Variants in SMIM19 observed in about 807,000 individuals in gnomAD.
SMIM19 encodes UPF0697 protein C8orf40.
Under a neutral mutation model 13.2 loss-of-function variants are expected in SMIM19, and 6 were observed. The observed-to-expected ratio is 0.45, with a 90% confidence interval of 0.25 to 0.90. SMIM19 has a LOEUF of 0.90. Among genes scored for constraint, SMIM19 ranks in the 40% least tolerant of loss-of-function variants. SMIM19 has a pLI of 0.19. For synonymous variants in SMIM19, 46 were observed against 43.1 expected (o/e 1.07, Z -0.27); for missense variants, 138 against 131.0 (o/e 1.05, Z -0.26).
chr8:42,551,377 G>C (rs146668706), intron 3 of SMIM19, among the ~76,000 whole-genome samples: 1 of 151,030 alleles, frequency 6.6e-6, no homozygotes, highest in Non-Finnish European at 1.5e-5. Context: ...ATGACACAAA[G>C]ATTTTTAGCC....
Position 42,542,350 on chromosome 8 carries a change from T to G in SMIM19, c.-28T>G. ...AGCACCTGTGAATTGCTTTCCTGGA[T>G]GTTGGGTGAAGGCCTGTGAGCTTGT... On this transcript the variant is annotated 5_prime_UTR_variant, in exon 1 of 4. It removes an upstream start codon present in the reference 5' UTR. Coordinates refer to ENST00000417410, the MANE Select transcript of SMIM19 (RefSeq NM_001135674.2). 1.4e-6 allele frequency: 1 copy of G among 740,204 alleles called. No individual in the cohort carries two copies. Among genetic ancestry groups the G allele is most frequent in the Non-Finnish European group, 1.7e-6 (1 of 606,054 alleles). 45.9% of individuals were successfully genotyped at this position (740,204 alleles called of 1,614,324 possible).
rs986724862 is a variant in SMIM19, at chr8:42,542,325, A to G, written c.-53A>G. On this transcript the variant is annotated 5_prime_UTR_variant, in exon 1 of 4. Transcript: ENST00000417410. ...AATTCAGTGACTCTGTGGACTGCCC[A>G]GCACCTGTGAATTGCTTTCCTGGAT... 1.1e-5 allele frequency: 5 copies of G among 454,290 alleles called. No individual in the cohort carries two copies. The Admixed American group carries it at 2.6e-4, about 23-fold the overall frequency. 28.1% of individuals were successfully genotyped at this position (454,290 alleles called of 1,614,324 possible).
chr8:42,545,133 A>C (rs749530718), intron 1 of SMIM19, among the ~76,000 whole-genome samples: 4 of 152,206 alleles, frequency 2.6e-5, no homozygotes, highest in Non-Finnish European at 5.9e-5. Context: ...TTTTCTTTAC[A>C]TATTAGGTCA....
intron 1 of SMIM19, among the ~76,000 whole-genome samples, chr8:42,544,818 A>G (rs977627894): frequency 1.3e-5 from 2 of 152,220 alleles, no homozygotes; most frequent in African/African-American, 4.8e-5. Context: ...CATTTTTCTC[A>G]TATAGAGGCA....
chr8:42,555,001 C>T lies in SMIM19; in HGVS notation c.*2393C>T, dbSNP rs1218928637. 1.6e-4 allele frequency: 24 copies of T among 152,148 alleles called. No individual in the cohort carries two copies. The highest frequency in any genetic ancestry group is 1.5e-3 in the Admixed American group (23 of 15,262). 9.4% of individuals were successfully genotyped at this position (152,148 alleles called of 1,614,324 possible). A position where few individuals can be genotyped will look rare whatever the true frequency, so the allele number is the denominator to read the frequency against. The stretch of plus-strand genomic sequence containing the variant: ...ACACAGATGTTTGCTGTTGACCTCA[C>T]GCTGTGTCTGGTTGAGTTATTCATG... On this transcript the variant is annotated 3_prime_UTR_variant, in exon 4 of 4. Transcript: ENST00000417410.
At position 42,548,810 on chromosome 8, in the gene SMIM19, A is replaced by T. The variant is rs1813572650; in HGVS notation, c.259+30A>T. On this transcript the variant is annotated intron_variant, in intron 3 of 3. Transcript: ENST00000417410. ...GTATATTCTGTGCTGAAAGATACAC[A>T]TATGCACATTTAAAATAGATTTTCT... The T allele has an allele frequency of 2.5e-6, 4 of 1,573,424 alleles. No individual in the cohort carries two copies. In the East Asian group the frequency reaches 6.8e-5, roughly 27 times the overall value.
At chr8:42,543,248 G>C (rs2131484772) in intron 1 of SMIM19, among the ~76,000 whole-genome samples, 1 of 152,292 alleles carries the variant, frequency 6.6e-6, no homozygotes, top group South Asian at 2.1e-4. Flanking sequence ...GTTACACTGT[G>C]GCATGCCGGG....
chr8:42,542,700 CCTGTAATCCCAGCA>C (rs1813296227), intron 1 of SMIM19, among the ~76,000 whole-genome samples: 2 of 152,044 alleles, frequency 1.3e-5, no homozygotes, highest in Non-Finnish European at 2.9e-5. Flanking sequence ...GTGGCTCACG[CCTGTAATCCCAGCA>C]CTTTGGGAGG....
In SMIM19 at chr8:42,541,806, G is replaced by C. The variant is rs890863129; in HGVS notation, c.-572G>C. ...CCCCGCCCCGGACGCGGGGGTAAGG[G>C]GGGTGGCCGCCCGCCTGCCCTCGGT... On this transcript the variant is annotated 5_prime_UTR_variant, in exon 1 of 4. Transcript: ENST00000417410. 3.3e-5 allele frequency: 5 copies of C among 150,484 alleles called. No homozygotes were observed. Among genetic ancestry groups the C allele is most frequent in the African/African-American group, 4.9e-5 (2 of 41,116 alleles). 9.3% of individuals were successfully genotyped at this position (150,484 alleles called of 1,614,324 possible).
Position 42,552,707 on chromosome 8 carries a change from T to A in SMIM19, c.*99T>A. 1 of 1,369,588 alleles carries A rather than the reference T, an allele frequency of 7.3e-7. No homozygotes were observed. The highest frequency in any genetic ancestry group is 2.0e-5 in the Admixed American group (1 of 50,720). 84.8% of individuals were successfully genotyped at this position (1,369,588 alleles called of 1,614,324 possible). ...AAAAACATTTCTGTCTGCATAAAAT[T>A]ATTTTACTTGTAACTTTTCCCCAAT... On this transcript the variant is annotated 3_prime_UTR_variant, in exon 4 of 4. Transcript: ENST00000417410.
chr8:42,543,269 C>T (rs140199012), intron 1 of SMIM19, among the ~76,000 whole-genome samples: 16 of 152,190 alleles, frequency 1.1e-4, no homozygotes, highest in African/African-American at 3.1e-4. Flanking sequence ...GAGGAGGGGA[C>T]GGGGTCATAG....
At position 42,541,962 on chromosome 8, in the gene SMIM19, C is replaced by G. The variant is rs1015543325; in HGVS notation, c.-416C>G. ...AGTTGCGGCGGCCCATCTGCCGGGG[C>G]GGCGGGGGCTCGGCGGGAGGGTTGA... On this transcript the variant is annotated 5_prime_UTR_variant, in exon 1 of 4. Transcript: ENST00000417410. The G allele has an allele frequency of 2.0e-5, 3 of 152,154 alleles. No individual in the cohort carries two copies. Among genetic ancestry groups the G allele is most frequent in the South Asian group, 2.1e-4 (1 of 4,830 alleles). 9.4% of individuals were successfully genotyped at this position (152,154 alleles called of 1,614,324 possible). A position where few individuals can be genotyped will look rare whatever the true frequency, so the allele number is the denominator to read the frequency against.
At chr8:42,544,695 TACTC>T in intron 1 of SMIM19, among the ~76,000 whole-genome samples, 1 of 152,344 alleles carries the variant, frequency 6.6e-6, no homozygotes, top group South Asian at 2.1e-4. Context: ...CTGTTCATGA[TACTC>T]ACTTTATTCT....
chr8:42,548,847 C>G, intron 3 of SMIM19, 67 bp downstream of exon 3: 1 of 1,477,112 alleles, frequency 6.8e-7, no homozygotes, highest in South Asian at 1.3e-5. Context: ...GAATTGAGTT[C>G]ATTTAGCAAA....
In SMIM19 at chr8:42,554,106, C is replaced by T. The variant is rs1423639711; in HGVS notation, c.*1498C>T. On this transcript the variant is annotated 3_prime_UTR_variant, in exon 4 of 4. Transcript: ENST00000417410. ...CAAATAAAATCATTCAGGGAAATTG[C>T]ATTTACTTTTAAAAATGTGTTGTTC... is the stretch of plus-strand genomic sequence containing the variant. 6.6e-6 allele frequency: 1 copy of T among 152,038 alleles called. No individual in the cohort carries two copies. Among genetic ancestry groups the T allele is most frequent in the Non-Finnish European group, 1.5e-5 (1 of 68,014 alleles). 9.4% of individuals were successfully genotyped at this position (152,038 alleles called of 1,614,324 possible).
At chr8:42,548,355 T>G (rs1406552005) in intron 2 of SMIM19, 2 of 478,090 alleles carry the variant, frequency 4.2e-6, no homozygotes, top group Non-Finnish European at 8.3e-6. Flanking sequence ...GCTGTTTTCT[T>G]GTTTGTGATT....
Position 42,552,717 on chromosome 8 carries a change from G to A in SMIM19, c.*109G>A. 7.6e-7 allele frequency: 1 copy of A among 1,323,232 alleles called. No individual in the cohort carries two copies. Among genetic ancestry groups the A allele is most frequent in the Non-Finnish European group, 1.1e-6 (1 of 942,380 alleles). 82.0% of individuals were successfully genotyped at this position (1,323,232 alleles called of 1,614,324 possible). On this transcript the variant is annotated 3_prime_UTR_variant, in exon 4 of 4. Coordinates refer to ENST00000417410, the MANE Select transcript of SMIM19 (RefSeq NM_001135674.2). ...CTGTCTGCATAAAATTATTTTACTT[G>A]TAACTTTTCCCCAATTGTTCTGTGC... is the stretch of plus-strand genomic sequence containing the variant.
At chr8:42,542,493 C>G (rs1022702190) in intron 1 of SMIM19, 120 bp downstream of exon 1, 3 of 984,202 alleles carry the variant, frequency 3.0e-6, no homozygotes, top group Non-Finnish European at 3.6e-6. Flanking sequence ...CTAAGTGGTT[C>G]CAATGTGAAT....
chr8:42,546,296 C>A, intron 1 of SMIM19, 173 bp from the exon 2 acceptor site: 1 of 637,334 alleles, frequency 1.6e-6, no homozygotes, highest in Non-Finnish European at 2.4e-6. Context: ...GGGCCAACTG[C>A]ACCATTTAAA....
Sources: gnomAD v4.1 joint callset for allele counts (sites outside exome capture counted in the v4.1 genomes callset) on GRCh38, gnomAD v4.1.1 for gene constraint, MANE v1.5 for transcripts, NCBI Gene and HGNC (gene_info 2026-07-23, HGNC 2026-07-21) for gene names.